The following CNKSR1 variants were observed in gnomAD, a reference collection of about 807,000 sequenced individuals.
The protein encoded by CNKSR1 is CNK homolog protein 1.
A neutral mutation model predicts 95.6 loss-of-function variants in CNKSR1; 88 were observed. The observed-to-expected ratio is 0.92, with a 90% confidence interval of 0.78 to 1.10. The LOEUF is 1.10. Ranked by LOEUF, CNKSR1 falls within the 50% of genes least tolerant of loss-of-function variation. The pLI, the probability that CNKSR1 is intolerant of heterozygous loss-of-function variation, is 0.00. For missense variants in CNKSR1, 836 were observed against 912.0 expected (o/e 0.92, Z 1.07); for synonymous variants, 355 against 369.7 (o/e 0.96, Z 0.46).
intron 1 of CNKSR1, 105 bp downstream of exon 1, chr1:26,177,704 G>A (rs1266596328): frequency 5.2e-6 from 7 of 1,351,988 alleles, no homozygotes; most frequent in Admixed American, 2.0e-5. Flanking sequence ...GACTGGGTGC[G>A]CTGGTTCACA....
intron 1 of CNKSR1, 55 bp from the exon 2 acceptor site, chr1:26,180,398 C>G: frequency 6.2e-7 from 1 of 1,605,378 alleles, no homozygotes; most frequent in Non-Finnish European, 8.5e-7. Context: ...GAAGAACCAT[C>G]CCAAAAGGTC....
chr1:26,183,946 G>C, intron 9 of CNKSR1, 116 bp downstream of exon 9: 1 of 570,482 alleles, frequency 1.8e-6, no homozygotes, highest in Non-Finnish European at 3.2e-6. Context: ...TTCCCCTGCT[G>C]CGCCCCCCTA....
chr1:26,181,571 A>G (rs2088648378), intron 3 of CNKSR1: 1 of 382,926 alleles, frequency 2.6e-6, no homozygotes, highest in Non-Finnish European at 4.9e-6. Context: ...TCATTATCCA[A>G]TGTTTCATGA....
chr1:26,178,291 C>G (rs1023674277), intron 1 of CNKSR1, among the ~76,000 whole-genome samples: 2 of 152,220 alleles, frequency 1.3e-5, no homozygotes, highest in Non-Finnish European at 2.9e-5. Context: ...AACTGACACA[C>G]AGAGCCAGGA....
chr1:26,180,770 C>A lies in CNKSR1; in HGVS notation c.266C>A (p.Ala89Glu), dbSNP rs1557619635. The change falls in exon 3 of 21, where the codon GCA (alanine) becomes GAA (glutamate). Residue 89 changes from alanine to glutamate, a missense_variant. Coordinates refer to ENST00000361530, the MANE Select transcript of CNKSR1 (RefSeq NM_006314.3). ...AGCCTGACAGAGGGACTTCTGGGGGCAACCCATGACTTCCAGAGCATAGTC... is the reference window on the plus strand; with the variant it reads ...AGCCTGACAGAGGGACTTCTGGGGGAAACCCATGACTTCCAGAGCATAGTC... Reference protein sequence around the residue: ...LQSLTEGLLGATHDFQSIVQG... With the variant: ...LQSLTEGLLGETHDFQSIVQG... The A allele has an allele frequency of 6.2e-7, 1 of 1,614,250 alleles. No homozygotes were observed. Among genetic ancestry groups the A allele is most frequent in the Non-Finnish European group, 8.5e-7 (1 of 1,180,046 alleles).
chr1:26,180,889 C>A lies in CNKSR1; in HGVS notation c.385C>A (p.Leu129Ile). Residue 129 changes from leucine to isoleucine, a missense_variant, in exon 3 of 21, where the codon CTC becomes ATC. By Grantham distance (5) the Leu-to-Ile change is conservative. Coordinates refer to ENST00000361530, the MANE Select transcript of CNKSR1 (RefSeq NM_006314.3). Reference protein sequence around the residue: ...LHEADALLFWLSRYLFSHLND... With the variant: ...LHEADALLFWISRYLFSHLND... ...TGAAGCTGACGCCCTCCTCTTCTGG[C>A]TCAGCAGGTACCCGGGTTGGGGTGA... 1 of 1,614,220 alleles carries A rather than the reference C, an allele frequency of 6.2e-7. No homozygotes were observed. Among genetic ancestry groups the A allele is most frequent in the East Asian group, 2.2e-5 (1 of 44,890 alleles).
In CNKSR1 at chr1:26,180,899, A is replaced by G. The variant is rs1321013040; in HGVS notation, c.392+3A>G. 1.9e-6 allele frequency: 3 copies of G among 1,613,894 alleles called. No homozygotes were observed. The highest frequency in any genetic ancestry group is 1.7e-6 in the Non-Finnish European group (2 of 1,179,976). On this transcript the variant is annotated splice_donor_region_variant and intron_variant, in intron 3 of 20. Transcript: ENST00000361530. ...GCCCTCCTCTTCTGGCTCAGCAGGTACCCGGGTTGGGGTGACGAGTGAGGG... is the reference window on the plus strand; with the variant it reads ...GCCCTCCTCTTCTGGCTCAGCAGGTGCCCGGGTTGGGGTGACGAGTGAGGG...
At chr1:26,181,798 A>T (rs1569874941) in intron 3 of CNKSR1, 59 bp from the exon 4 acceptor site, 4 of 1,526,136 alleles carry the variant, frequency 2.6e-6, no homozygotes, top group East Asian at 4.5e-5. Flanking sequence ...TTGGTGAGTA[A>T]TTGGCTCTGA....
intron 1 of CNKSR1, among the ~76,000 whole-genome samples, chr1:26,178,043 CAT>C: frequency 6.6e-6 from 1 of 152,300 alleles, no homozygotes; most frequent in South Asian, 2.1e-4. Context: ...GAGCACCTAA[CAT>C]GTTCCAGGAA....
rs541413179 is a variant in CNKSR1, at chr1:26,183,820, C to CCCCCCCA, written c.847_853dup (p.Gln285ProfsTer31). ...CTGAAGAAGATCCCGATACCGGAGA[C>CCCCCCCA]CCCCCCACAGGTACCTTCCCCTGCC... On this transcript the variant is annotated frameshift_variant, in exon 9 of 21. Transcript: ENST00000361530. LOFTEE classifies it high-confidence loss of function. The CCCCCCCA allele has an allele frequency of 8.3e-7, 1 of 1,206,318 alleles. No individual in the cohort carries two copies. Among genetic ancestry groups the CCCCCCCA allele is most frequent in the East Asian group, 4.1e-5 (1 of 24,506 alleles). 74.7% of individuals were successfully genotyped at this position (1,206,318 alleles called of 1,614,324 possible). A position where few individuals can be genotyped will look rare whatever the true frequency, so the allele number is the denominator to read the frequency against.
At chr1:26,182,734 G>A (rs2088668577) in intron 6 of CNKSR1, 150 bp downstream of exon 6, 1 of 783,592 alleles carries the variant, frequency 1.3e-6, no homozygotes, top group Admixed American at 2.1e-5. Flanking sequence ...CAGAGGATTG[G>A]CCAGGGTCTC....
chr1:26,185,278 T>A (rs2088729510), intron 14 of CNKSR1, 92 bp downstream of exon 14: 1 of 1,364,734 alleles, frequency 7.3e-7, no homozygotes, highest in East Asian at 2.5e-5. Context: ...TTATTCCTGG[T>A]CCAAGGCTTT....
At position 26,189,465 on chromosome 1, in the gene CNKSR1, C is replaced by G. The variant is rs1045105; in HGVS notation, c.2059C>G (p.His687Asp). The change falls in exon 21 of 21, where the codon CAC (histidine) becomes GAC (aspartate). Residue 687 changes from histidine to aspartate, a missense_variant. By Grantham distance (81) the His-to-Asp change is moderately conservative (BLOSUM62 -1). Coordinates refer to ENST00000361530, the MANE Select transcript of CNKSR1 (RefSeq NM_006314.3). ...CTCTGACTCCACAGAACAGTCCCCC[C>G]ACTCCCTGCCCTCTGACCCTGAAGA... is the stretch of plus-strand genomic sequence containing the variant. Reference protein sequence around the residue: ...LTSDSTEQSPHSLPSDPEEHS... With the variant: ...LTSDSTEQSPDSLPSDPEEHS... The G allele has an allele frequency of 3.1e-6, 5 of 1,613,890 alleles. No homozygotes were observed. The East Asian group carries it at 6.7e-5, about 22-fold the overall frequency.
At chr1:26,187,274 G>A (rs1210872487) in intron 15 of CNKSR1, 33 bp downstream of exon 15, 2 of 1,601,924 alleles carry the variant, frequency 1.2e-6, no homozygotes, top group African/African-American at 2.7e-5. Flanking sequence ...GCTGGGGGAT[G>A]GAGACAGAAA....
At position 26,188,875 on chromosome 1, in the gene CNKSR1, C is replaced by A; in HGVS notation, c.1794C>A (p.Ser598Arg). ...PQPLTQEQWRSSFMRRNRDPQ... is the reference protein window; with the variant it reads ...PQPLTQEQWRRSFMRRNRDPQ... ...CCCTGACCCAGGAACAGTGGCGGAG[C>A]TCTTTCATGCGGCGCAACCGAGACC... Residue 598 changes from serine to arginine, a missense_variant, in exon 20 of 21, where the codon AGC becomes AGA. Ser to Arg is a moderately radical substitution (Grantham distance 110). Transcript: ENST00000361530. 1.9e-6 allele frequency: 3 copies of A among 1,612,872 alleles called. No individual in the cohort carries two copies. The highest frequency in any genetic ancestry group is 3.3e-4 in the Middle Eastern group (2 of 6,060).
chr1:26,184,672 T>C, intron 13 of CNKSR1, 60 bp downstream of exon 13: 2 of 1,547,376 alleles, frequency 1.3e-6, no homozygotes, highest in Non-Finnish European at 1.8e-6. Flanking sequence ...TAAAAATCTT[T>C]ACATGCTGGG....
At chr1:26,187,357 T>C (rs1171702092) in intron 15 of CNKSR1, 54 bp from the exon 16 acceptor site, 3 of 1,607,054 alleles carry the variant, frequency 1.9e-6, no homozygotes, top group African/African-American at 2.7e-5. Flanking sequence ...CCAGCCTCTC[T>C]GGGCTGTGGG....
chr1:26,180,996 T>C, intron 3 of CNKSR1, 100 bp downstream of exon 3: 3 of 1,474,814 alleles, frequency 2.0e-6, no homozygotes, highest in Non-Finnish European at 2.8e-6. Flanking sequence ...TCAGATATGG[T>C]GAGCCAGGCG....
intron 1 of CNKSR1, among the ~76,000 whole-genome samples, chr1:26,179,007 C>T (rs1313962714): frequency 6.6e-6 from 1 of 152,226 alleles, no homozygotes; most frequent in East Asian, 1.9e-4. Flanking sequence ...TACTTAACCT[C>T]TGTGTCAGTT....
Sources: gnomAD v4.1 joint callset for allele counts (sites outside exome capture counted in the v4.1 genomes callset) on GRCh38, gnomAD v4.1.1 for gene constraint, MANE v1.5 for transcripts, NCBI Gene and HGNC (gene_info 2026-07-23, HGNC 2026-07-21) for gene names.